The following GOLGA3 variants were observed in gnomAD, a reference collection of about 807,000 sequenced individuals.
GOLGA3 encodes the protein golgin subfamily A member 3.
In GOLGA3, 75 loss-of-function variants were observed where a neutral mutation model predicts 169.4. The ratio of observed to expected loss-of-function variants is 0.44; its 90% confidence interval spans 0.37 to 0.54. The LOEUF is 0.54. Ranked by LOEUF, GOLGA3 falls within the 20% of genes least tolerant of loss-of-function variation. GOLGA3 has a pLI of 0.00. For missense variants in GOLGA3, 1,899 were observed against 1,930.0 expected (o/e 0.98, Z 0.30); for synonymous variants, 824 against 822.4 (o/e 1.00, Z -0.03).
intron 21 of GOLGA3, among the ~76,000 whole-genome samples, chr12:132,775,786 C>T (rs968248573): frequency 2.0e-5 from 3 of 152,208 alleles, no homozygotes; most frequent in Non-Finnish European, 2.9e-5. Flanking sequence ...TAACTCAAGC[C>T]CCTCATTTAC....
chr12:132,820,119 T>C (rs1290022916), intron 2 of GOLGA3, among the ~76,000 whole-genome samples: 1 of 151,494 alleles, frequency 6.6e-6, no homozygotes, highest in Non-Finnish European at 1.5e-5. Flanking sequence ...GAGGTTGCCA[T>C]GAGCCGAGAT....
At chr12:132,787,875 G>A (rs66922809) in intron 13 of GOLGA3, among the ~76,000 whole-genome samples, 19,589 of 56,732 alleles carry the variant, frequency 0.35, 6,867 homozygotes, top group Non-Finnish European at 0.48. Flanking sequence ...ACCCCTTCCC[G>A]AGACCCCAGG....
chr12:132,774,623 CA>C, intron 22 of GOLGA3: 1 of 466,144 alleles, frequency 2.1e-6, no homozygotes, highest in African/African-American at 2.0e-5. Context: ...CTTCTCCCAT[CA>C]GATACTCAAG....
intron 18 of GOLGA3, among the ~76,000 whole-genome samples, chr12:132,778,053 G>T (rs999019862): frequency 6.6e-6 from 1 of 152,288 alleles, no homozygotes; most frequent in Non-Finnish European, 1.5e-5. Context: ...GAGATTTCTC[G>T]GTCTAAATAG....
intron 13 of GOLGA3, among the ~76,000 whole-genome samples, chr12:132,787,217 G>A (rs2045947137): frequency 6.6e-6 from 1 of 152,082 alleles, no homozygotes; most frequent in Admixed American, 6.6e-5. Flanking sequence ...CTCCCAAAGT[G>A]CTGGGATTAC....
rs776873419 is a variant in GOLGA3, at chr12:132,808,533, G to C, written c.536C>G (p.Thr179Ser). The change falls in exon 5 of 24, where the codon ACC (threonine) becomes AGC (serine). Residue 179 changes from threonine to serine, a missense_variant. Physicochemically the swap from Thr to Ser is moderately conservative, Grantham distance 58. Transcript: ENST00000450791. ...RQQERSSQPA[T>S]KTRLFSTLDP... ...AAGCGTGCTAAAAAGTCTCGTTTTG[G>C]TTGCAGGTTGACTGGACTGAGAAGA... is the stretch of plus-strand genomic sequence containing the variant. 3.1e-6 allele frequency: 5 copies of C among 1,591,348 alleles called. No homozygotes were observed. In the Admixed American group the frequency reaches 5.3e-5, roughly 17 times the overall value.
intron 8 of GOLGA3, among the ~76,000 whole-genome samples, chr12:132,799,352 T>C (rs1202055968): frequency 6.6e-6 from 1 of 152,054 alleles, no homozygotes; most frequent in Non-Finnish European, 1.5e-5. Context: ...GTTCCAAAGG[T>C]ATTTGGAAAA....
At position 132,811,875 on chromosome 12, in the gene GOLGA3, G is replaced by A. The variant is rs560442463; in HGVS notation, c.519+1432C>T. ...TTGAAACATGACATAGGCTGGGCGC[G>A]ATGGTGGGTGCCTGTAGTCCCAGCT... On this transcript the variant is annotated intron_variant, in intron 4 of 23. Coordinates refer to ENST00000450791, the MANE Select transcript of GOLGA3 (RefSeq NM_001389683.1). 40 of 744,014 alleles carry A rather than the reference G, an allele frequency of 5.4e-5. No homozygotes were observed. In the Admixed American group the frequency reaches 1.1e-3, roughly 21 times the overall value. The allele number at this position is 744,014 out of a possible 1,614,324, so 46.1% of individuals were successfully genotyped here.
At chr12:132,780,953 C>T (rs779121576) in intron 17 of GOLGA3, 39 bp from the exon 18 acceptor site, 44 of 1,474,552 alleles carry the variant, frequency 3.0e-5, no homozygotes, top group Admixed American at 5.0e-5. Context: ...GGAAGGACGT[C>T]GAATTACAAA....
chr12:132,796,121 G>A lies in GOLGA3; in HGVS notation c.2200C>T (p.Gln734Ter), dbSNP rs778797565. 6 of 1,612,182 alleles carry A rather than the reference G, an allele frequency of 3.7e-6. No individual in the cohort carries two copies. Among genetic ancestry groups the A allele is most frequent in the Non-Finnish European group, 5.1e-6 (6 of 1,179,278 alleles). Residue 734 changes from glutamine to a stop codon, truncating the protein, a stop_gained, in exon 11 of 24, where the codon CAG becomes TAG. Transcript: ENST00000450791. LOFTEE classifies it high-confidence loss of function. ...KQLTLTQEAL[Q>*]SREQSLDALQ... ...GCATCGAGGGACTGCTCCCTGCTCT[G>A]CAGAGCCTCCTGAGTCAAGGTGAGC...
intron 12 of GOLGA3, among the ~76,000 whole-genome samples, chr12:132,790,906 C>T (rs1177389324): frequency 6.6e-6 from 1 of 150,806 alleles, no homozygotes; most frequent in Non-Finnish European, 1.5e-5. Context: ...AAAAAATTAG[C>T]CGGACGTGGT....
chr12:132,796,731 C>T, intron 9 of GOLGA3, 31 bp from the exon 10 acceptor site: 3 of 1,608,422 alleles, frequency 1.9e-6, no homozygotes, highest in African/African-American at 2.7e-5. Context: ...TTTAAAAAGG[C>T]AGGAAACCTT....
Position 132,810,795 on chromosome 12 carries a change from T to C in GOLGA3, c.520-2246A>G, listed in dbSNP as rs534315466. On this transcript the variant is annotated intron_variant, in intron 4 of 23. Transcript: ENST00000450791. ...GAGAAGACTCTACTCCTCCACCTCT[T>C]GTGGAGGGCCTGACGTCAGTCAGGC... 2.6e-5 allele frequency among the ~76,000 whole-genome samples: 4 copies of C among 152,292 alleles called. No homozygotes were observed. The East Asian group carries it at 5.8e-4, about 22-fold the overall frequency.
intron 2 of GOLGA3, among the ~76,000 whole-genome samples, chr12:132,819,252 G>A (rs549131534): frequency 6.0e-4 from 91 of 152,316 alleles, no homozygotes; most frequent in Admixed American, 1.5e-3. Flanking sequence ...TTTCTTAGCC[G>A]GGCGCGGTGG....
At chr12:132,784,434 T>C in intron 15 of GOLGA3, 127 bp from the exon 16 acceptor site, 2 of 758,204 alleles carry the variant, frequency 2.6e-6, no homozygotes, top group East Asian at 2.5e-5. Flanking sequence ...TGACACAGTC[T>C]CACAACCTTC....
chr12:132,821,920 T>A, intron 2 of GOLGA3, 76 bp downstream of exon 2: 4 of 758,028 alleles, frequency 5.3e-6, no homozygotes, highest in Non-Finnish European at 8.1e-6. Flanking sequence ...CAACGCCACA[T>A]CCTCCCTCAA....
rs112384794 is a variant in GOLGA3, at chr12:132,798,480, TA to T, written c.1801-4del. ...CCTGCCTGGGTCATCTGTCCAACCTTAAAAAAAAAACCCACAAAGTAAAAAG... is the reference window on the plus strand; with the variant it reads ...CCTGCCTGGGTCATCTGTCCAACCTTAAAAAAAAACCCACAAAGTAAAAAG... On this transcript the variant is annotated splice_region_variant and splice_polypyrimidine_tract_variant and intron_variant, in intron 8 of 23. Transcript: ENST00000450791. The T allele has an allele frequency of 1.1e-3, 1,407 of 1,333,732 alleles. No homozygotes were observed. The highest frequency in any genetic ancestry group is 3.7e-3 in the Middle Eastern group (19 of 5,114). 82.6% of individuals were successfully genotyped at this position (1,333,732 alleles called of 1,614,324 possible).
At chr12:132,808,827 C>A (rs1423276058) in intron 4 of GOLGA3, among the ~76,000 whole-genome samples, 1 of 152,140 alleles carries the variant, frequency 6.6e-6, no homozygotes, top group Non-Finnish European at 1.5e-5. Context: ...CACATCCCAG[C>A]AAGTACCTCC....
rs757138115 is a variant in GOLGA3 at position 132,807,183 on chromosome 12, C to T, written c.1284G>A (p.Ala428=). 15 of 1,596,046 alleles carry T rather than the reference C, an allele frequency of 9.4e-6. No homozygotes were observed. Among genetic ancestry groups the T allele is most frequent in the South Asian group, 3.4e-5 (3 of 88,620 alleles). The change falls in exon 6 of 24, where the codon GCG becomes GCA. Residue 428 remains alanine, a synonymous_variant. Coordinates refer to ENST00000450791, the MANE Select transcript of GOLGA3 (RefSeq NM_001389683.1). ...EGQLEALSLE[A]SQALKEKAEL... ...TCAGTCGAACGTCCGTTACCTGACTCGCCTCCAGTGACAAGGCTTCCAGCT... is the reference window on the plus strand; with the variant it reads ...TCAGTCGAACGTCCGTTACCTGACTTGCCTCCAGTGACAAGGCTTCCAGCT...
Sources: allele counts gnomAD v4.1 joint callset (sites outside exome capture counted in the v4.1 genomes callset), GRCh38; gene constraint gnomAD v4.1.1; transcripts MANE v1.5; gene names NCBI Gene and HGNC (gene_info 2026-07-23, HGNC 2026-07-21).